The following PARP10 variants were observed in gnomAD, a reference collection of about 807,000 sequenced individuals.
PARP10 encodes the protein poly(ADP-ribose) polymerase family member 10.
In PARP10, 56 loss-of-function variants were observed where a neutral mutation model predicts 82.4. That is an observed-to-expected ratio of 0.68 (90% CI 0.55 to 0.85). The LOEUF (loss-of-function observed/expected upper bound fraction) is 0.85. PARP10 is among the 40% of genes least tolerant of loss of function. The pLI, the probability that PARP10 is intolerant of heterozygous loss-of-function variation, is 0.00. For missense variants in PARP10, 1,227 were observed against 1,379.4 expected (o/e 0.89, Z 1.75); for synonymous variants, 576 against 601.1 (o/e 0.96, Z 0.61).
chr8:143,991,105 C>A, upstream of PARP10: 1 of 664,848 alleles, frequency 1.5e-6, no homozygotes, highest in Non-Finnish European at 2.6e-6. Flanking sequence ...CTTGCTTCCC[C>A]CTGGGTTCCC....
chr8:143,977,438 G>C lies in PARP10; in HGVS notation c.*46C>G. 2 of 1,466,592 alleles carry C rather than the reference G, an allele frequency of 1.4e-6. No individual in the cohort carries two copies. The highest frequency in any genetic ancestry group is 9.1e-7 in the Non-Finnish European group (1 of 1,094,662). 90.8% of individuals were successfully genotyped at this position (1,466,592 alleles called of 1,614,324 possible). On this transcript the variant is annotated 3_prime_UTR_variant, in exon 11 of 11. Transcript: ENST00000313028. ...GGGGCGGGGAGCATCAGCCTGTGCG[G>C]AGCTGGGAGCCTGGGAAGCAGGAGG...
At chr8:144,003,594 G>A (rs148865273) in intron 1 of PARP10, among the ~76,000 whole-genome samples, 25 of 152,260 alleles carry the variant, frequency 1.6e-4, no homozygotes, top group Admixed American at 1.2e-3. Context: ...TTCAGGCCAC[G>A]TGACAGAAAA....
At chr8:143,998,034 C>G (rs926612260) in intron 1 of PARP10, among the ~76,000 whole-genome samples, 4 of 152,050 alleles carry the variant, frequency 2.6e-5, no homozygotes, top group Non-Finnish European at 1.5e-5. Context: ...TTCAAGCGAT[C>G]CTCCCAACTT....
chr8:143,990,354 C>A (rs1834070421), upstream of PARP10: 3 of 151,110 alleles, frequency 2.0e-5, no homozygotes, highest in Non-Finnish European at 4.4e-5. This position sits in a 1 kb window ranked among gnomAD's most constrained non-coding sequence, Gnocchi z 5.6. Context: ...AGCTCGCGGC[C>A]AGAGGTGGCG....
In PARP10 at chr8:143,985,401, G is replaced by A; in HGVS notation, c.673+11C>T. 1 of 1,605,422 alleles carries A rather than the reference G, an allele frequency of 6.2e-7. No individual in the cohort carries two copies. Among genetic ancestry groups the A allele is most frequent in the Non-Finnish European group, 8.5e-7 (1 of 1,175,840 alleles). ...AGGGACGGTCGGCTGGGTCTGCCCA[G>A]CCCCACTCACCTTGCCACTGCTGGA... On this transcript the variant is annotated intron_variant, in intron 4 of 10. Coordinates refer to ENST00000313028, the MANE Select transcript of PARP10 (RefSeq NM_032789.5).
chr8:144,010,682 C>T (rs1834270967), intron 1 of PARP10, among the ~76,000 whole-genome samples: 1 of 151,942 alleles, frequency 6.6e-6, no homozygotes. Context: ...TGAGGCCTGC[C>T]TGGGCAATGT....
intron 1 of PARP10, 26 bp downstream of exon 1, chr8:143,986,332 T>C: frequency 6.2e-7 from 1 of 1,614,152 alleles, no homozygotes; most frequent in Non-Finnish European, 8.5e-7. Flanking sequence ...TCCCCCATTA[T>C]GGGTGGCCCC....
In PARP10 at chr8:143,982,982, C is replaced by G. The variant is rs782367035; in HGVS notation, c.2506G>C (p.Ala836Pro). 5.6e-6 allele frequency: 9 copies of G among 1,613,814 alleles called. No homozygotes were observed. The highest frequency in any genetic ancestry group is 7.6e-6 in the Non-Finnish European group (9 of 1,180,018). ...GCAGCGTCCAGGGTGTCGTAGAAGG[C>G]CCGCACCACCTCCTGGAACTCCCCG... ...NTGEFQEVVR[A>P]FYDTLDAARS... is the part of the protein sequence containing the mutation. The change falls in exon 9 of 11, where the codon GCC (alanine) becomes CCC (proline). Residue 836 changes from alanine to proline, a missense_variant. Physicochemically the swap from Ala to Pro is conservative, Grantham distance 27. Transcript: ENST00000313028.
upstream of PARP10, chr8:143,991,735 C>T: frequency 6.2e-7 from 1 of 1,613,748 alleles, no homozygotes; most frequent in South Asian, 1.1e-5. Context: ...CCCCATCCTA[C>T]TATGACAACC....
At chr8:143,986,647 A>C, upstream of PARP10, 2 of 558,414 alleles carry the variant, frequency 3.6e-6, no homozygotes, top group South Asian at 2.2e-5. Flanking sequence ...TACCTGGCCC[A>C]CTCCAGCCCC....
chr8:143,992,559 G>A (rs782203406), upstream of PARP10: 11 of 1,614,124 alleles, frequency 6.8e-6, no homozygotes, highest in South Asian at 3.3e-5. Context: ...ATCCGGAACC[G>A]CATCCTGGAG....
Position 143,977,377 on chromosome 8 carries a change from G to T in PARP10, c.*107C>A, listed in dbSNP as rs1022039909. On this transcript the variant is annotated 3_prime_UTR_variant, in exon 11 of 11. Transcript: ENST00000313028. ...TTCTGGAGCCCGCAGAGGGAGGCAG[G>T]GGCGTCCCCGGGGACAGCTCAGGCG... The T allele has an allele frequency of 6.4e-6, 7 of 1,097,264 alleles. No homozygotes were observed. The South Asian group carries it at 1.1e-4, about 18-fold the overall frequency. 68.0% of individuals were successfully genotyped at this position (1,097,264 alleles called of 1,614,324 possible).
At chr8:144,001,475 G>C (rs1834202245) in intron 1 of PARP10, among the ~76,000 whole-genome samples, 1 of 152,152 alleles carries the variant, frequency 6.6e-6, no homozygotes, top group African/African-American at 2.4e-5. Flanking sequence ...GGGAGGCCGA[G>C]GCAGGCGGAC....
At chr8:143,998,123 A>G (rs1391019740) in intron 1 of PARP10, among the ~76,000 whole-genome samples, 1 of 152,186 alleles carries the variant, frequency 6.6e-6, no homozygotes, top group Non-Finnish European at 1.5e-5. Flanking sequence ...ACTTAAATAT[A>G]TGTAGCTGAG....
At chr8:143,989,753 G>A (rs1353486994), upstream of PARP10, 3 of 152,224 alleles carry the variant, frequency 2.0e-5, no homozygotes, top group African/African-American at 7.2e-5. This position sits in a 1 kb window ranked among gnomAD's most constrained non-coding sequence, Gnocchi z 4.3. Flanking sequence ...AGAAGTGAAC[G>A]TCGGGTTTTA....
At chr8:143,987,563 G>T (rs1425665821), upstream of PARP10, among the ~76,000 whole-genome samples, 4 of 152,182 alleles carry the variant, frequency 2.6e-5, no homozygotes, top group Non-Finnish European at 5.9e-5. Context: ...GACACCAGCA[G>T]CTGCTACAGC....
At chr8:143,980,350 A>AC (rs1833823045) in intron 9 of PARP10, among the ~76,000 whole-genome samples, 1 of 144,698 alleles carries the variant, frequency 6.9e-6, no homozygotes, top group Non-Finnish European at 1.5e-5. Context: ...AAAAAAAAAA[A>AC]ACCATCTCTA....
rs782611117 is a variant in PARP10 at position 143,984,097 on chromosome 8, G to A, written c.1688C>T (p.Pro563Leu). The change falls in exon 7 of 11, where the codon CCT (proline) becomes CTT (leucine). Residue 563 changes from proline (P) to leucine (L), a missense_variant. Physicochemically the swap from Pro to Leu is moderately conservative, Grantham distance 98. Transcript: ENST00000313028. ...TLDTGLEEVDPTEALPVLPGN... is the reference protein window; with the variant it reads ...TLDTGLEEVDLTEALPVLPGN... Reference sequence around the variant, plus strand: ...AGGGAGCACTGGGAGGGCCTCGGTAGGGTCCACCTGTAGGGAGAGGATGTC... The same window carrying A: ...AGGGAGCACTGGGAGGGCCTCGGTAAGGTCCACCTGTAGGGAGAGGATGTC... The A allele has an allele frequency of 3.2e-6, 5 of 1,554,768 alleles. No individual in the cohort carries two copies. Among genetic ancestry groups the A allele is most frequent in the Non-Finnish European group, 3.5e-6 (4 of 1,149,510 alleles).
chr8:143,995,714 A>T (rs1308749319), upstream of PARP10, among the ~76,000 whole-genome samples: 1 of 152,176 alleles, frequency 6.6e-6, no homozygotes, highest in African/African-American at 2.4e-5. Context: ...CTGTCCTGGC[A>T]CTCACAGATA....
Sources: gnomAD v4.1 joint callset for allele counts (sites outside exome capture counted in the v4.1 genomes callset) on GRCh38, gnomAD v4.1.1 for gene constraint, Gnocchi (gnomAD v3.1) non-coding constraint, MANE v1.5 for transcripts, NCBI Gene and HGNC (gene_info 2026-07-23, HGNC 2026-07-21) for gene names.